The following ANKRD31 variants were observed in gnomAD, a reference collection of about 807,000 sequenced individuals.
The protein encoded by ANKRD31 is ankyrin repeat domain 31, also known as ankyrin repeat domain-containing protein 31.
A neutral mutation model predicts 186.0 loss-of-function variants in ANKRD31; 147 were observed. The ratio of observed to expected loss-of-function variants is 0.79; its 90% CI spans 0.69 to 0.91. The LOEUF is 0.91. ANKRD31 is among the 40% of genes least tolerant of loss of function. The pLI is 0.00. For missense variants in ANKRD31, 1,986 were observed against 2,148.8 expected, an observed-to-expected ratio of 0.92 and a Z score of 1.50; for synonymous variants, 673 against 736.4, an observed-to-expected ratio of 0.91 and a Z score of 1.39.
intron 2 of ANKRD31, among the ~76,000 whole-genome samples, chr5:75,229,864 C>CAAAAAAAAAAAAAAAAAAAAAAAAAAAA (rs1210080751): frequency 2.6e-5 from 1 of 37,858 alleles, no homozygotes; most frequent in African/African-American, 1.1e-4. Flanking sequence ...GACTCTGTCT[C>CAAAAAAAAAAAAAAAAAAAAAAAAAAAA]AAAAAAAAAA....
chr5:75,174,471 T>C (rs918091549), intron 10 of ANKRD31, among the ~76,000 whole-genome samples: 1 of 152,118 alleles, frequency 6.6e-6, no homozygotes, highest in Non-Finnish European at 1.5e-5. Flanking sequence ...GAGAACATTT[T>C]TGCACTCTAC....
At chr5:75,180,591 C>G (rs796734590) in intron 10 of ANKRD31, among the ~76,000 whole-genome samples, 1 of 152,142 alleles carries the variant, frequency 6.6e-6, no homozygotes, top group Non-Finnish European at 1.5e-5. Context: ...ATATCTACAA[C>G]TATCTGATCT....
rs145689474 is a variant in ANKRD31, at chr5:75,094,541, A to G, written c.5332-3140T>C. On this transcript the variant is annotated intron_variant, in intron 22 of 25. Coordinates refer to ENST00000506364, the MANE Select transcript of ANKRD31 (RefSeq NM_001372053.1). ...CAAGCACAACTCAAAAAATATGATG[A>G]AAAGTCATTAAAGAAATTAGAATTC... Among the ~76,000 whole-genome samples the G allele has an allele frequency of 2.2e-3, 338 of 152,294 alleles. 1 individual carries two copies. Among genetic ancestry groups the G allele is most frequent in the Non-Finnish European group, 2.6e-3 (177 of 68,010 alleles).
chr5:75,136,386 T>G (rs912646341), intron 17 of ANKRD31, among the ~76,000 whole-genome samples: 2 of 152,104 alleles, frequency 1.3e-5, no homozygotes. Flanking sequence ...AAGAAGACAT[T>G]TATGCAGCCA....
intron 17 of ANKRD31, among the ~76,000 whole-genome samples, chr5:75,121,436 A>G (rs1319453050): frequency 6.6e-6 from 1 of 152,164 alleles, no homozygotes; most frequent in African/African-American, 2.4e-5. Flanking sequence ...ACAGGAGTTA[A>G]ATTGAACTTT....
chr5:75,143,443 T>C (rs1187291547), intron 15 of ANKRD31, among the ~76,000 whole-genome samples: 1 of 152,146 alleles, frequency 6.6e-6, no homozygotes, highest in Non-Finnish European at 1.5e-5. Flanking sequence ...AGAATATTCA[T>C]AGAGAATGCC....
Position 75,185,126 on chromosome 5 carries a change from G to A in ANKRD31, c.1564+3367C>T, listed in dbSNP as rs78436544. Among the ~76,000 whole-genome samples the A allele has an allele frequency of 2.4e-3, 369 of 152,272 alleles. 9 individuals are homozygous for A. The East Asian group carries it at 0.062, about 25-fold the overall frequency. On this transcript the variant is annotated intron_variant, in intron 10 of 25. Transcript: ENST00000506364. ...AGATATGCACAGGAAGACACATACT[G>A]CATGTTCTTACTCATATGCAGAATC... is the stretch of plus-strand genomic sequence containing the variant.
At chr5:75,207,597 C>T (rs1756340217) in intron 4 of ANKRD31, among the ~76,000 whole-genome samples, 1 of 151,928 alleles carries the variant, frequency 6.6e-6, no homozygotes, top group African/African-American at 2.4e-5. Flanking sequence ...TTTTTAAAAA[C>T]ATTATGACAC....
chr5:75,119,263 T>A (rs4235683), intron 17 of ANKRD31, among the ~76,000 whole-genome samples: 1 of 151,952 alleles, frequency 6.6e-6, no homozygotes, highest in Non-Finnish European at 1.5e-5. Context: ...CTCTCTCCCC[T>A]ACCTCGTAGT....
intron 2 of ANKRD31, among the ~76,000 whole-genome samples, 181 bp from the exon 3 acceptor site, chr5:75,222,539 G>A (rs1757368431): frequency 6.6e-6 from 1 of 151,254 alleles, no homozygotes; most frequent in African/African-American, 2.4e-5. Context: ...TTGTTACATA[G>A]GTATACGTGT....
intron 10 of ANKRD31, among the ~76,000 whole-genome samples, chr5:75,170,077 G>GT (rs1288255317): frequency 1.3e-5 from 2 of 152,152 alleles, no homozygotes; most frequent in East Asian, 1.9e-4. Flanking sequence ...AGTTAACAAG[G>GT]TTTTTTCCCT....
rs188768473 is a variant in ANKRD31 at position 75,143,981 on chromosome 5, A to G, written c.3595+20T>C. 97 of 396,916 alleles carry G rather than the reference A, an allele frequency of 2.4e-4. 2 individuals carry two copies. The Middle Eastern group carries it at 5.1e-3, about 21-fold the overall frequency. 24.6% of individuals were successfully genotyped at this position (396,916 alleles called of 1,614,324 possible). ...CTTGATTTTGTAAACTTTAACCTAT[A>G]CAATTATAGGAATACAAACCTAGGT... is the stretch of plus-strand genomic sequence containing the variant. On this transcript the variant is annotated intron_variant, in intron 15 of 25. Coordinates refer to ENST00000506364, the MANE Select transcript of ANKRD31 (RefSeq NM_001372053.1).
At chr5:75,188,470 T>C in intron 10 of ANKRD31, 23 bp downstream of exon 10, 3 of 1,527,864 alleles carry the variant, frequency 2.0e-6, no homozygotes, top group Admixed American at 2.0e-5. Flanking sequence ...TTAAGGTAAC[T>C]GTGGGTGGTA....
chr5:75,103,862 G>C (rs1040447845), intron 22 of ANKRD31, among the ~76,000 whole-genome samples: 1 of 152,166 alleles, frequency 6.6e-6, no homozygotes, highest in Non-Finnish European at 1.5e-5. Flanking sequence ...AGTGCAGTTG[G>C]GGGAGGGAGA....
Position 75,196,065 on chromosome 5 carries a change from A to C in ANKRD31, c.583T>G (p.Phe195Val). The C allele has an allele frequency of 6.5e-7, 1 of 1,536,840 alleles. No homozygotes were observed. Among genetic ancestry groups the C allele is most frequent in the Non-Finnish European group, 8.7e-7 (1 of 1,146,714 alleles). The change falls in exon 7 of 26, where the codon TTT (phenylalanine) becomes GTT (valine). Residue 195 changes from phenylalanine (F) to valine (V), a missense_variant. By Grantham distance (50) the Phe-to-Val change is conservative. Coordinates refer to ENST00000506364, the MANE Select transcript of ANKRD31 (RefSeq NM_001372053.1). ...EKILAAPNTF[F>V]EPRKEVTMTM... ...ATTGTGACTTCCTTTCTAGGCTCAA[A>C]AAATGTATTTGGTGCTGCTAAAATC...
rs532502939 is a variant in ANKRD31, at chr5:75,197,136, A to C, written c.448-936T>G. On this transcript the variant is annotated intron_variant, in intron 6 of 25. Coordinates refer to ENST00000506364, the MANE Select transcript of ANKRD31 (RefSeq NM_001372053.1). ...CAGCTGGTCTCAATCTCCTGACCTC[A>C]GGTGATCTGCCTGCTTCGGCCTCCC... Among the ~76,000 whole-genome samples the C allele has an allele frequency of 6.6e-5, 10 of 152,260 alleles. No homozygotes were observed. The South Asian group carries it at 2.1e-3, about 32-fold the overall frequency.
intron 9 of ANKRD31, among the ~76,000 whole-genome samples, chr5:75,191,267 G>A (rs1322919302): frequency 1.3e-5 from 2 of 152,014 alleles, no homozygotes; most frequent in East Asian, 3.8e-4. Context: ...CACAATTTGA[G>A]ATGCCATCTG....
chr5:75,072,277 G>A (rs1413052688), intron 25 of ANKRD31, among the ~76,000 whole-genome samples: 2 of 152,056 alleles, frequency 1.3e-5, no homozygotes, highest in Non-Finnish European at 2.9e-5. Flanking sequence ...CTAAACTCTG[G>A]CTAAAGAGAT....
chr5:75,167,774 G>A (rs190078541), intron 11 of ANKRD31, among the ~76,000 whole-genome samples: 14 of 152,248 alleles, frequency 9.2e-5, no homozygotes, highest in Admixed American at 6.5e-4. Context: ...TGGGGCAAAG[G>A]AACAAATAGG....
Sources: gnomAD v4.1 joint callset for allele counts (sites outside exome capture counted in the v4.1 genomes callset) on GRCh38, gnomAD v4.1.1 for gene constraint, MANE v1.5 for transcripts, NCBI Gene and HGNC (gene_info 2026-07-23, HGNC 2026-07-21) for gene names.